The following ROBO1 variants were observed in gnomAD, a reference collection of about 807,000 sequenced individuals.
ROBO1 encodes roundabout guidance receptor 1.
Under a neutral mutation model 195.9 loss-of-function variants are expected in ROBO1, and 149 were observed. The ratio of observed to expected loss-of-function variants is 0.76; its 90% CI spans 0.67 to 0.87. The LOEUF is 0.87. ROBO1 is among the 40% of genes least tolerant of loss of function. The probability of loss-of-function intolerance (pLI) is 0.00; values close to 1 mark genes in which losing one functional copy is unlikely to be tolerated. For synonymous variants in ROBO1, 816 were observed against 733.2 expected (o/e 1.11, Z -1.82); for missense variants, 1,933 against 2,068.3 (o/e 0.93, Z 1.27).
chr3:79,535,460 G>A (rs904654466), intron 2 of ROBO1, among the ~76,000 whole-genome samples: 2 of 152,124 alleles, frequency 1.3e-5, no homozygotes, highest in Admixed American at 1.3e-4. Flanking sequence ...TTATGTTAAA[G>A]TAATGAAAAT....
chr3:79,535,573 C>G (rs895411755), intron 2 of ROBO1, among the ~76,000 whole-genome samples: 9 of 152,292 alleles, frequency 5.9e-5, no homozygotes, highest in Admixed American at 4.6e-4. Context: ...CAACTACTTT[C>G]TTTTCTGCTG....
intron 5 of ROBO1, among the ~76,000 whole-genome samples, chr3:78,729,093 C>T (rs893213964): frequency 3.9e-5 from 6 of 152,224 alleles, no homozygotes; most frequent in Non-Finnish European, 7.3e-5. Flanking sequence ...CCGCCTAGGA[C>T]TCTGGCAGCT....
intron 1 of ROBO1, among the ~76,000 whole-genome samples, chr3:79,619,476 C>T (rs1944934373): frequency 6.6e-6 from 1 of 152,066 alleles, no homozygotes; most frequent in South Asian, 2.1e-4. Context: ...TCTAAATGGC[C>T]AGAAAATGGC....
At chr3:78,862,278 A>G (rs781710517) in intron 4 of ROBO1, among the ~76,000 whole-genome samples, 7 of 152,156 alleles carry the variant, frequency 4.6e-5, no homozygotes, top group Admixed American at 2.0e-4. Context: ...CTTTAGGGAG[A>G]AAAGACCAGC....
At chr3:79,522,424 C>G (rs1187205862) in intron 2 of ROBO1, among the ~76,000 whole-genome samples, 1 of 151,590 alleles carries the variant, frequency 6.6e-6, no homozygotes, top group Non-Finnish European at 1.5e-5. Context: ...GAGACCACCT[C>G]TCTGAAATCT....
At position 78,660,852 on chromosome 3, in the gene ROBO1, T is replaced by C. The variant is rs142794652; in HGVS notation, c.2320+178A>G. On this transcript the variant is annotated intron_variant, in intron 16 of 30. Coordinates refer to ENST00000464233, the MANE Select transcript of ROBO1 (RefSeq NM_002941.4). ...CACTATTGAAGCAAGTCAACTATTA[T>C]AGCATTTTGCTTTTCTAGTTTTCTA... 39 of 545,578 alleles carry C rather than the reference T, an allele frequency of 7.1e-5. No homozygotes were observed. The East Asian group carries it at 9.7e-4, about 14-fold the overall frequency. 33.8% of individuals were successfully genotyped at this position (545,578 alleles called of 1,614,324 possible). A position where few individuals can be genotyped will look rare whatever the true frequency, so the allele number is the denominator to read the frequency against.
intron 2 of ROBO1, among the ~76,000 whole-genome samples, chr3:79,189,673 A>G (rs140144573): frequency 0.018 from 2,729 of 151,878 alleles, 63 homozygotes; most frequent in Non-Finnish European, 0.022. Flanking sequence ...ATAAAGTGGC[A>G]CTCTGATGCA....
At chr3:79,678,441 T>A (rs550042115) in intron 1 of ROBO1, among the ~76,000 whole-genome samples, 1 of 152,022 alleles carries the variant, frequency 6.6e-6, no homozygotes, top group East Asian at 1.9e-4. Flanking sequence ...TCTTTTCAAA[T>A]AGATAAAATA....
At chr3:78,875,591 T>C (rs2035793531) in intron 4 of ROBO1, among the ~76,000 whole-genome samples, 1 of 152,034 alleles carries the variant, frequency 6.6e-6, no homozygotes, top group Non-Finnish European at 1.5e-5. Context: ...TATGGAAATA[T>C]TTACAAAACG....
At chr3:79,237,222 C>T (rs2082424314) in intron 2 of ROBO1, among the ~76,000 whole-genome samples, 1 of 152,144 alleles carries the variant, frequency 6.6e-6, no homozygotes, top group Non-Finnish European at 1.5e-5. Flanking sequence ...GTGGCTCACG[C>T]CTGTAATCCC....
intron 3 of ROBO1, among the ~76,000 whole-genome samples, chr3:78,971,747 T>TTTG (rs201474495): frequency 2.6e-5 from 4 of 151,476 alleles, no homozygotes; most frequent in South Asian, 4.2e-4. Flanking sequence ...AAATATTTTT[T>TTTG]TTGTTGTTGT....
At chr3:79,079,522 G>T (rs1485433989) in intron 3 of ROBO1, among the ~76,000 whole-genome samples, 7 of 151,754 alleles carry the variant, frequency 4.6e-5, no homozygotes, top group Non-Finnish European at 1.0e-4. Context: ...AACAAGTACT[G>T]GTTCTGCTTT....
intron 1 of ROBO1, among the ~76,000 whole-genome samples, chr3:79,594,517 T>C (rs982543698): frequency 1.3e-5 from 2 of 152,070 alleles, no homozygotes; most frequent in Non-Finnish European, 2.9e-5. Context: ...CCTAAAAATA[T>C]AATTTACTTG....
intron 1 of ROBO1, among the ~76,000 whole-genome samples, chr3:79,630,564 C>A (rs1188738564): frequency 2.0e-5 from 3 of 151,878 alleles, no homozygotes; most frequent in African/African-American, 4.8e-5. Flanking sequence ...AAACATTTTC[C>A]TTAATAACTG....
chr3:79,431,285 T>C (rs965107284), intron 2 of ROBO1, among the ~76,000 whole-genome samples: 1 of 152,144 alleles, frequency 6.6e-6, no homozygotes, highest in East Asian at 1.9e-4. Flanking sequence ...CAATAACTTA[T>C]TTGGTTATAA....
chr3:79,633,810 T>C (rs1352206305), intron 1 of ROBO1, among the ~76,000 whole-genome samples: 1 of 152,154 alleles, frequency 6.6e-6, no homozygotes, highest in Non-Finnish European at 1.5e-5. Context: ...TAATTGAAGC[T>C]AAAAATCTTT....
At chr3:79,560,556 T>TACACAC (rs1553764944) in intron 2 of ROBO1, among the ~76,000 whole-genome samples, 8 of 119,850 alleles carry the variant, frequency 6.7e-5, no homozygotes, top group African/African-American at 2.5e-4. Flanking sequence ...TATATATATA[T>TACACAC]ATACACATAC....
At chr3:79,317,136 A>G (rs1387020166) in intron 2 of ROBO1, among the ~76,000 whole-genome samples, 1 of 152,120 alleles carries the variant, frequency 6.6e-6, no homozygotes, top group African/African-American at 2.4e-5. Flanking sequence ...AAGAATTCCC[A>G]TTTCCTAAGG....
At chr3:79,722,671 CA>C (rs1315674616) in intron 1 of ROBO1, among the ~76,000 whole-genome samples, 1 of 152,180 alleles carries the variant, frequency 6.6e-6, no homozygotes, top group Non-Finnish European at 1.5e-5. Context: ...ACTTAATCAG[CA>C]GTTGGTTTTG....
Sources: gnomAD v4.1 joint callset for allele counts (sites outside exome capture counted in the v4.1 genomes callset) on GRCh38, gnomAD v4.1.1 for gene constraint, MANE v1.5 for transcripts, NCBI Gene and HGNC (gene_info 2026-07-23, HGNC 2026-07-21) for gene names.